The following ANKS6 variants were observed in gnomAD, a reference collection of about 807,000 sequenced individuals.
ANKS6 encodes ankyrin repeat and sterile alpha motif domain containing 6.
ANKS6 carries 47 observed loss-of-function variants against 77.9 expected under a neutral mutation model. The ratio of observed to expected loss-of-function variants is 0.60; its 90% CI spans 0.48 to 0.77. The LOEUF (loss-of-function observed/expected upper bound fraction) is 0.77. ANKS6 is among the 30% of genes least tolerant of loss of function. ANKS6 has a pLI of 0.00. For synonymous variants in ANKS6, 488 were observed against 501.7 expected, an observed-to-expected ratio of 0.97 and a Z score of 0.37; for missense variants, 1,150 against 1,159.1, an observed-to-expected ratio of 0.99 and a Z score of 0.11.
chr9:98,784,368 C>G, intron 3 of ANKS6: 1 of 476,542 alleles, frequency 2.1e-6, no homozygotes, highest in Non-Finnish European at 3.7e-6. Flanking sequence ...CACGAATGGG[C>G]AGAAGTGTTA....
Position 98,790,158 on chromosome 9 carries a change from G to A in ANKS6, c.808C>T (p.His270Tyr). Residue 270 changes from histidine to tyrosine, a missense_variant, in exon 2 of 15, where the codon CAC becomes TAC. Coordinates refer to ENST00000353234, the MANE Select transcript of ANKS6 (RefSeq NM_173551.5). ...TCCAGGTAGTCTACAAGGTCCCTGT[G>A]CTTGCAGTCCAGTGCAACCTCGAAG... ...TAFEVALDCK[H>Y]RDLVDYLDPL... The A allele has an allele frequency of 6.3e-7, 1 of 1,592,038 alleles. No homozygotes were observed. Among genetic ancestry groups the A allele is most frequent in the South Asian group, 1.1e-5 (1 of 89,822 alleles).
chr9:98,733,868 A>G lies in ANKS6; in HGVS notation c.*2651T>C, dbSNP rs1157391526. 1.0e-6 allele frequency: 1 copy of G among 985,242 alleles called. No individual in the cohort carries two copies. The highest frequency in any genetic ancestry group is 1.2e-6 in the Non-Finnish European group (1 of 829,936). 61.0% of individuals were successfully genotyped at this position (985,242 alleles called of 1,614,324 possible). On this transcript the variant is annotated 3_prime_UTR_variant, in exon 15 of 15. Transcript: ENST00000353234. ...GAAAAACCTATTATCCTGTGGAACT[A>G]GGGTTCCCAGGAGCATACTTTTGGG...
chr9:98,762,064 GT>G (rs899024086), intron 11 of ANKS6, among the ~76,000 whole-genome samples: 1 of 152,008 alleles, frequency 6.6e-6, no homozygotes, highest in African/African-American at 2.4e-5. Flanking sequence ...GTGTTTTGTA[GT>G]TTTTGACCTT....
intron 14 of ANKS6, among the ~76,000 whole-genome samples, chr9:98,736,843 G>A (rs2131916603): frequency 6.6e-6 from 1 of 152,274 alleles, no homozygotes; most frequent in South Asian, 2.1e-4. Context: ...ATGCTGGAGA[G>A]GCCCTGGGAT....
rs149042492 is a variant in ANKS6, at chr9:98,769,415, G to A, written c.1973-1165C>T. 3.4e-3 allele frequency among the ~76,000 whole-genome samples: 515 copies of A among 152,274 alleles called. 1 individual carries two copies. The highest frequency in any genetic ancestry group is 0.014 in the Middle Eastern group (4 of 294). On this transcript the variant is annotated intron_variant, in intron 10 of 14. Transcript: ENST00000353234. Reference sequence around the variant, plus strand: ...GAATATGGAGGCATGAAGGTATTACGTAGGGAGGTATTACCTATAAAAAGC... The same window carrying A: ...GAATATGGAGGCATGAAGGTATTACATAGGGAGGTATTACCTATAAAAAGC...
intron 1 of ANKS6, among the ~76,000 whole-genome samples, chr9:98,792,612 G>T (rs1237386078): frequency 6.6e-6 from 1 of 152,194 alleles, no homozygotes; most frequent in Non-Finnish European, 1.5e-5. Flanking sequence ...ACACTATTTA[G>T]TTATCAAGCA....
At position 98,734,464 on chromosome 9, in the gene ANKS6, C is replaced by A. The variant is rs759829725; in HGVS notation, c.*2055G>T. On this transcript the variant is annotated 3_prime_UTR_variant, in exon 15 of 15. Coordinates refer to ENST00000353234, the MANE Select transcript of ANKS6 (RefSeq NM_173551.5). ...CACAAAACCTCAAAGCACATAACGTCAGGGGCCATGAATTTCAGAGGCAAA... is the reference window on the plus strand; with the variant it reads ...CACAAAACCTCAAAGCACATAACGTAAGGGGCCATGAATTTCAGAGGCAAA... 1.1e-5 allele frequency: 11 copies of A among 985,338 alleles called. No homozygotes were observed. Among genetic ancestry groups the A allele is most frequent in the Non-Finnish European group, 1.3e-5 (11 of 829,962 alleles). 61.0% of individuals were successfully genotyped at this position (985,338 alleles called of 1,614,324 possible).
At chr9:98,785,876 G>A (rs1834538511) in intron 2 of ANKS6, among the ~76,000 whole-genome samples, 1 of 152,188 alleles carries the variant, frequency 6.6e-6, no homozygotes, top group African/African-American at 2.4e-5. Flanking sequence ...CATCACAAAT[G>A]TGGGGATAGC....
Position 98,795,798 on chromosome 9 carries a change from C to T in ANKS6, c.359+335G>A, listed in dbSNP as rs117761167. Among the ~76,000 whole-genome samples, 354 of 152,252 alleles carry T rather than the reference C, an allele frequency of 2.3e-3. 11 individuals carry two copies. The East Asian group carries it at 0.056, about 24-fold the overall frequency. On this transcript the variant is annotated intron_variant, in intron 1 of 14. Coordinates refer to ENST00000353234, the MANE Select transcript of ANKS6 (RefSeq NM_173551.5). ...TGCCTGGGTCTCGCAGCACCCTCAA[C>T]GCCAAGCCAGGAAGGGAAGGCAGGT...
At chr9:98,793,186 A>G (rs1366749653) in intron 1 of ANKS6, among the ~76,000 whole-genome samples, 1 of 152,164 alleles carries the variant, frequency 6.6e-6, no homozygotes, top group East Asian at 1.9e-4. Flanking sequence ...AACACTATGC[A>G]ACCCTGTCCC....
Position 98,733,358 on chromosome 9 carries a change from G to A in ANKS6, c.*3161C>T. 1 of 985,474 alleles carries A rather than the reference G, an allele frequency of 1.0e-6. No homozygotes were observed. The highest frequency in any genetic ancestry group is 1.2e-6 in the Non-Finnish European group (1 of 829,976). 61.0% of individuals were successfully genotyped at this position (985,474 alleles called of 1,614,324 possible). ...CAGCAAGACACTGCCTGGGTGCTGGGAAACAATGCCCTCCACCCTGCAGGA... is the reference window on the plus strand; with the variant it reads ...CAGCAAGACACTGCCTGGGTGCTGGAAAACAATGCCCTCCACCCTGCAGGA... On this transcript the variant is annotated 3_prime_UTR_variant, in exon 15 of 15. Coordinates refer to ENST00000353234, the MANE Select transcript of ANKS6 (RefSeq NM_173551.5).
Position 98,736,340 on chromosome 9 carries a change from A to G in ANKS6, c.*179T>C. On this transcript the variant is annotated 3_prime_UTR_variant, in exon 15 of 15. Coordinates refer to ENST00000353234, the MANE Select transcript of ANKS6 (RefSeq NM_173551.5). Reference sequence around the variant, plus strand: ...CATGGGAATCTGTCTCTGTGTGTTGAAGTTTGTTGCAGCAAGAAGTACTAC... The same window carrying G: ...CATGGGAATCTGTCTCTGTGTGTTGGAGTTTGTTGCAGCAAGAAGTACTAC... 1 of 1,423,528 alleles carries G rather than the reference A, an allele frequency of 7.0e-7. No homozygotes were observed. Among genetic ancestry groups the G allele is most frequent in the Non-Finnish European group, 9.1e-7 (1 of 1,093,070 alleles). The allele number at this position is 1,423,528 out of a possible 1,614,324, so 88.2% of individuals were successfully genotyped here.
In ANKS6 at chr9:98,791,391, C is replaced by T. The variant is rs533778981; in HGVS notation, c.360-785G>A. On this transcript the variant is annotated intron_variant, in intron 1 of 14. Coordinates refer to ENST00000353234, the MANE Select transcript of ANKS6 (RefSeq NM_173551.5). The surrounding 1 kb of genome is among the most constrained non-coding windows in gnomAD (Gnocchi z 4.3). ...AGGCGGCTGAGGACCCAGCCTAGGC[C>T]AGATCTTCCTCAATGAAGTCACTGC... Among the ~76,000 whole-genome samples, 1 of 152,286 alleles carries T rather than the reference C, an allele frequency of 6.6e-6. No individual in the cohort carries two copies. Among genetic ancestry groups the T allele is most frequent in the African/African-American group, 2.4e-5 (1 of 41,536 alleles).
At chr9:98,795,311 GAAAGT>G (rs145201394) in intron 1 of ANKS6, among the ~76,000 whole-genome samples, 4,381 of 152,106 alleles carry the variant, frequency 0.029, 197 homozygotes, top group African/African-American at 0.1. Flanking sequence ...ACACTTCAAG[GAAAGT>G]AATTTTTCCA....
intron 13 of ANKS6, among the ~76,000 whole-genome samples, chr9:98,750,343 A>G (rs1285086518): frequency 6.6e-6 from 1 of 152,238 alleles, no homozygotes; most frequent in Non-Finnish European, 1.5e-5. Context: ...ACGTTGCAGC[A>G]TGTGCCAGTA....
At chr9:98,784,929 A>C in intron 2 of ANKS6, 53 bp from the exon 3 acceptor site, 1 of 1,535,894 alleles carries the variant, frequency 6.5e-7, no homozygotes, top group Non-Finnish European at 9.0e-7. Context: ...AATATAACAG[A>C]AAAGTCACAA....
At chr9:98,772,716 T>C (rs1833708105) in intron 9 of ANKS6, among the ~76,000 whole-genome samples, 1 of 152,132 alleles carries the variant, frequency 6.6e-6, no homozygotes, top group Non-Finnish European at 1.5e-5. Flanking sequence ...TCACGTTCTC[T>C]CTCCCTCTAC....
chr9:98,763,683 A>C (rs949701222), intron 11 of ANKS6, among the ~76,000 whole-genome samples: 1 of 152,074 alleles, frequency 6.6e-6, no homozygotes, highest in African/African-American at 2.4e-5. Flanking sequence ...CAATAAAACC[A>C]AAGTTGGTTC....
intron 13 of ANKS6, 74 bp from the exon 14 acceptor site, chr9:98,745,749 T>C: frequency 8.9e-7 from 1 of 1,121,568 alleles, no homozygotes; most frequent in East Asian, 2.3e-5. Flanking sequence ...AGCAATCTCA[T>C]GATTATGAGC....
Sources: allele counts gnomAD v4.1 joint callset (sites outside exome capture counted in the v4.1 genomes callset), GRCh38; gene constraint gnomAD v4.1.1; non-coding constraint Gnocchi (gnomAD v3.1); transcripts MANE v1.5; gene names NCBI Gene and HGNC (gene_info 2026-07-23, HGNC 2026-07-21).